XKR6: variants seen among roughly 807,000 people sequenced by gnomAD.
XKR6 encodes XK-related protein 6.
Under a neutral mutation model 56.7 loss-of-function variants are expected in XKR6, and 22 were observed. That is an observed-to-expected ratio of 0.39 (90% CI 0.28 to 0.55). The LOEUF (loss-of-function observed/expected upper bound fraction) is 0.55. Ranked by LOEUF, XKR6 falls within the 20% of genes least tolerant of loss-of-function variation. XKR6 has a pLI of 0.66. For synonymous variants in XKR6, 524 were observed against 387.8 expected, an observed-to-expected ratio of 1.35 and a Z score of -4.13; for missense variants, 852 against 889.0, an observed-to-expected ratio of 0.96 and a Z score of 0.53.
chr8:10,985,614 C>T (rs1016231169), intron 1 of XKR6, among the ~76,000 whole-genome samples: 12 of 143,364 alleles, frequency 8.4e-5, no homozygotes. Context: ...AAAAAAAAAG[C>T]AAAAGCAAAA....
chr8:11,137,657 A>G (rs1273455226), intron 1 of XKR6: 2 of 456,190 alleles, frequency 4.4e-6, no homozygotes, highest in East Asian at 6.9e-5. Context: ...CCATGGTGTG[A>G]GCAATGCAAT....
intron 1 of XKR6, among the ~76,000 whole-genome samples, chr8:11,076,511 G>T (rs1384496667): frequency 6.6e-6 from 1 of 152,204 alleles, no homozygotes; most frequent in Admixed American, 6.5e-5. Flanking sequence ...CCCAAGGCCT[G>T]GAGTCAGGCC....
intron 1 of XKR6, among the ~76,000 whole-genome samples, chr8:11,061,946 C>T (rs1799846163): frequency 6.6e-6 from 1 of 152,168 alleles, no homozygotes; most frequent in Admixed American, 6.5e-5. Context: ...TGTCCCTCGG[C>T]TGGCCCTGCT....
At chr8:10,954,368 C>T (rs13256208) in intron 1 of XKR6, among the ~76,000 whole-genome samples, 56,266 of 152,144 alleles carry the variant, frequency 0.37, 10,918 homozygotes, top group African/African-American at 0.41. Flanking sequence ...GTGGGTGTGA[C>T]GTGGTATCAC....
At chr8:11,173,331 G>A (rs897991480) in intron 1 of XKR6, among the ~76,000 whole-genome samples, 2 of 150,598 alleles carry the variant, frequency 1.3e-5, no homozygotes, top group Admixed American at 6.6e-5. Context: ...GCAACAAAGC[G>A]AGACTCCGCC....
chr8:11,193,833 G>A (rs761698384), intron 1 of XKR6, among the ~76,000 whole-genome samples: 47 of 147,490 alleles, frequency 3.2e-4, no homozygotes, highest in Non-Finnish European at 5.9e-4. Context: ...TATTGCTTTA[G>A]CTTAATCTAC....
chr8:11,088,199 C>A (rs1234725757), intron 1 of XKR6, among the ~76,000 whole-genome samples: 2 of 152,188 alleles, frequency 1.3e-5, no homozygotes, highest in African/African-American at 4.8e-5. Context: ...CAAATCCACA[C>A]CTCTGTATCA....
chr8:11,178,650 CAAAT>C (rs1328064147), intron 1 of XKR6, among the ~76,000 whole-genome samples: 2 of 131,818 alleles, frequency 1.5e-5, no homozygotes, highest in Admixed American at 7.2e-5. Context: ...CACATACACA[CAAAT>C]ATATATATAT....
chr8:11,161,919 G>A (rs1801833664), intron 1 of XKR6, among the ~76,000 whole-genome samples: 1 of 152,062 alleles, frequency 6.6e-6, no homozygotes, highest in Non-Finnish European at 1.5e-5. Context: ...ACTTACCCAG[G>A]TTGTAGTGAA....
intron 1 of XKR6, among the ~76,000 whole-genome samples, chr8:10,991,216 T>G (rs1282886959): frequency 6.6e-6 from 1 of 152,106 alleles, no homozygotes; most frequent in Admixed American, 6.5e-5. Flanking sequence ...GTCTTACTGT[T>G]TTTTTCACAT....
intron 1 of XKR6, among the ~76,000 whole-genome samples, chr8:11,017,649 T>A: frequency 6.6e-6 from 1 of 152,232 alleles, no homozygotes; most frequent in Non-Finnish European, 1.5e-5. Context: ...GAGCCTCACT[T>A]GATCCATGTG....
intron 1 of XKR6, among the ~76,000 whole-genome samples, chr8:10,964,023 G>C (rs1013274197): frequency 6.6e-6 from 1 of 152,200 alleles, no homozygotes; most frequent in Non-Finnish European, 1.5e-5. Flanking sequence ...TGGTGGCAGG[G>C]ACTGCACATC....
intron 1 of XKR6, among the ~76,000 whole-genome samples, chr8:11,061,091 G>C (rs969285232): frequency 6.6e-6 from 1 of 152,190 alleles, no homozygotes; most frequent in Non-Finnish European, 1.5e-5. Context: ...AAACAGCTGG[G>C]ACACAGCACC....
chr8:11,006,358 G>A (rs1798368622), intron 1 of XKR6, among the ~76,000 whole-genome samples: 1 of 152,126 alleles, frequency 6.6e-6, no homozygotes, highest in Non-Finnish European at 1.5e-5. Context: ...TTATTAGGGT[G>A]GAGGGAACAG....
intron 1 of XKR6, among the ~76,000 whole-genome samples, chr8:11,005,510 G>T (rs573496137): frequency 4.5e-4 from 68 of 152,232 alleles, no homozygotes; most frequent in African/African-American, 1.6e-3. Context: ...ACAACACCAT[G>T]GATGTACTCA....
intron 1 of XKR6, among the ~76,000 whole-genome samples, chr8:11,135,731 T>C (rs1800355631): frequency 6.8e-6 from 1 of 146,224 alleles, no homozygotes; most frequent in Non-Finnish European, 1.5e-5. Context: ...GAGAAAAAAA[T>C]TAAAGAAGGA....
intron 1 of XKR6, among the ~76,000 whole-genome samples, chr8:11,014,244 A>C (rs10217059): frequency 6.6e-6 from 1 of 152,072 alleles, no homozygotes; most frequent in South Asian, 2.1e-4. Context: ...ATCTTTATTA[A>C]GTGTGAGGAA....
chr8:11,127,310 C>G (rs968585217), intron 1 of XKR6, among the ~76,000 whole-genome samples: 3 of 152,164 alleles, frequency 2.0e-5, no homozygotes, highest in Non-Finnish European at 4.4e-5. Flanking sequence ...TGATCTTCAA[C>G]GAGTTACTTA....
intron 2 of XKR6, 115 bp from the exon 3 acceptor site, chr8:10,899,031 G>T: frequency 6.9e-7 from 1 of 1,446,856 alleles, no homozygotes; most frequent in Non-Finnish European, 9.2e-7. Flanking sequence ...GGAGGAGGGA[G>T]AAAGAAACAC....
Sources: gnomAD v4.1 joint callset for allele counts (sites outside exome capture counted in the v4.1 genomes callset) on GRCh38, gnomAD v4.1.1 for gene constraint, MANE v1.5 for transcripts, NCBI Gene and HGNC (gene_info 2026-07-23, HGNC 2026-07-21) for gene names.